The following ATP13A3 variants were observed in gnomAD, a reference collection of about 807,000 sequenced individuals.
The protein encoded by ATP13A3 is ATPase 13A3.
In ATP13A3, 59 loss-of-function variants were observed where a neutral mutation model predicts 158.1. The ratio of observed to expected loss-of-function variants is 0.37; its 90% confidence interval spans 0.30 to 0.46. The LOEUF (loss-of-function observed/expected upper bound fraction) is 0.46, where lower values mean the gene tolerates loss of function less well. Among genes scored for constraint, ATP13A3 ranks in the 20% least tolerant of loss-of-function variants. The probability of loss-of-function intolerance (pLI) is 1.00; values close to 1 mark genes in which losing one functional copy is unlikely to be tolerated. For missense variants in ATP13A3, 1,166 were observed against 1,525.2 expected, an observed-to-expected ratio of 0.76 and a Z score of 3.92; for synonymous variants, 491 against 504.3, an observed-to-expected ratio of 0.97 and a Z score of 0.35.
In ATP13A3 at chr3:194,427,192, G is replaced by T. The variant is rs1716847342; in HGVS notation, c.3008C>A (p.Ser1003Tyr). Reference sequence around the variant, plus strand: ...CAAAACGGAGAAGAGAAGGGCCCCAGATATAAGACCCGAAGGTGGTCTTTG... The same window carrying T: ...CAAAACGGAGAAGAGAAGGGCCCCATATATAAGACCCGAAGGTGGTCTTTG... ...VAQRPPSGLI[S>Y]GALLFSVLSQ... Residue 1003 changes from serine to tyrosine, a missense_variant, in exon 29 of 34, where the codon TCT (serine) becomes TAT (tyrosine). Physicochemically the swap from Ser to Tyr is moderately radical, Grantham distance 144. This residue lies in a region of ATP13A3 where 997 missense variants were observed against 1,341.2 expected (regional missense o/e 0.74). Transcript: ENST00000645319. 6.2e-7 allele frequency: 1 copy of T among 1,613,412 alleles called. No individual in the cohort carries two copies. The highest frequency in any genetic ancestry group is 8.5e-7 in the Non-Finnish European group (1 of 1,179,898).
rs1004788006 is a variant in ATP13A3, at chr3:194,430,866, T to C, written c.2624+77A>G. The C allele has an allele frequency of 1.9e-5, 22 of 1,150,428 alleles. No homozygotes were observed. In the African/African-American group the frequency reaches 3.2e-4, roughly 17 times the overall value. The allele number at this position is 1,150,428 out of a possible 1,614,324, so 71.3% of individuals were successfully genotyped here. A position where few individuals can be genotyped will look rare whatever the true frequency, so the allele number is the denominator to read the frequency against. ...ATGAAATATTAGTATAAGAAACATA[T>C]AAAAATTATTTTTCTGATGCTGAAA... is the stretch of plus-strand genomic sequence containing the variant. On this transcript the variant is annotated intron_variant, in intron 24 of 33. Transcript: ENST00000645319.
At chr3:194,482,739 G>A (rs115997118) in intron 2 of ATP13A3, among the ~76,000 whole-genome samples, 1 of 152,104 alleles carries the variant, frequency 6.6e-6, no homozygotes, top group Admixed American at 6.5e-5. Context: ...TTGGGAGGCT[G>A]AGGCAGGAGG....
At chr3:194,416,613 C>T (rs1029017098) in intron 31 of ATP13A3, among the ~76,000 whole-genome samples, 2 of 152,160 alleles carry the variant, frequency 1.3e-5, no homozygotes, top group African/African-American at 2.4e-5. Flanking sequence ...CCTTTAGAGA[C>T]AAGAGTAAGA....
At chr3:194,438,571 T>C (rs2108853264) in intron 17 of ATP13A3, among the ~76,000 whole-genome samples, 1 of 152,338 alleles carries the variant, frequency 6.6e-6, no homozygotes, top group East Asian at 1.9e-4. Context: ...AAAATATTCC[T>C]ATCTCTGCAT....
intron 30 of ATP13A3, among the ~76,000 whole-genome samples, chr3:194,421,552 CAAA>C (rs34760027): frequency 5.6e-5 from 4 of 71,872 alleles, no homozygotes; most frequent in African/African-American, 4.6e-5. Context: ...GACTCCATCT[CAAA>C]AAAAAAAAAA....
chr3:194,440,015 G>A (rs1259572741), intron 16 of ATP13A3, among the ~76,000 whole-genome samples: 4 of 152,168 alleles, frequency 2.6e-5, no homozygotes, highest in East Asian at 1.9e-4. Flanking sequence ...GGCAGATGGA[G>A]CACTTATCCA....
chr3:194,413,670 A>G, intron 32 of ATP13A3, 89 bp downstream of exon 32: 4 of 1,161,272 alleles, frequency 3.4e-6, no homozygotes, highest in Non-Finnish European at 1.3e-6. Flanking sequence ...GCTTTCCATT[A>G]TATTACCTGC....
chr3:194,475,798 A>C (rs1319319214), intron 2 of ATP13A3, among the ~76,000 whole-genome samples: 2 of 152,166 alleles, frequency 1.3e-5, no homozygotes, highest in Non-Finnish European at 2.9e-5. Flanking sequence ...TGACGCCTGT[A>C]TGGGAATATT....
At chr3:194,412,539 TA>T in intron 32 of ATP13A3, 1 of 452,700 alleles carries the variant, frequency 2.2e-6, no homozygotes, top group South Asian at 2.4e-5. Context: ...TTTGTATAAA[TA>T]GGTCTTTCCC....
intron 33 of ATP13A3, among the ~76,000 whole-genome samples, chr3:194,407,866 G>C (rs967918118): frequency 6.6e-6 from 1 of 152,088 alleles, no homozygotes; most frequent in Non-Finnish European, 1.5e-5. Flanking sequence ...CAAAATAACA[G>C]ATAATGCCTT....
chr3:194,486,220 G>C (rs1577100153), intron 1 of ATP13A3, among the ~76,000 whole-genome samples: 1 of 152,118 alleles, frequency 6.6e-6, no homozygotes, highest in Middle Eastern at 3.4e-3. Context: ...GGACGAGCTA[G>C]GGTCCCGCAC....
chr3:194,470,791 T>C (rs950168003), intron 2 of ATP13A3, among the ~76,000 whole-genome samples: 6 of 152,228 alleles, frequency 3.9e-5, no homozygotes, highest in Admixed American at 6.5e-5. Context: ...ACTCTTATGA[T>C]TGCTAGATAG....
intron 31 of ATP13A3, among the ~76,000 whole-genome samples, chr3:194,418,278 C>A (rs560060693): frequency 1.3e-5 from 2 of 151,828 alleles, no homozygotes; most frequent in South Asian, 4.2e-4. Flanking sequence ...AACTGAGACA[C>A]GAGGAACAAA....
intron 2 of ATP13A3, among the ~76,000 whole-genome samples, chr3:194,485,339 G>C (rs1338850450): frequency 6.6e-6 from 1 of 152,112 alleles, no homozygotes; most frequent in Admixed American, 6.6e-5. Flanking sequence ...TTGATTTTTG[G>C]CAACTGTAGT....
chr3:194,405,681 T>C lies in ATP13A3; in HGVS notation c.*238A>G. ...ATCAAGAAAATTCTGGAAATGTATG[T>C]AATATTTGGGTTGCTGAATGAAGAT... On this transcript the variant is annotated 3_prime_UTR_variant, in exon 34 of 34. Transcript: ENST00000645319. 4.6e-6 allele frequency: 2 copies of C among 438,988 alleles called. No homozygotes were observed. The highest frequency in any genetic ancestry group is 8.0e-5 in the East Asian group (2 of 25,114). 27.2% of individuals were successfully genotyped at this position (438,988 alleles called of 1,614,324 possible). A position where few individuals can be genotyped will look rare whatever the true frequency, so the allele number is the denominator to read the frequency against.
At chr3:194,476,809 T>C (rs1720547407) in intron 2 of ATP13A3, among the ~76,000 whole-genome samples, 1 of 150,202 alleles carries the variant, frequency 6.7e-6, no homozygotes, top group Non-Finnish European at 1.5e-5. Context: ...CTAGATTAAA[T>C]AATATTAAGC....
chr3:194,449,744 G>C (rs2108907468), intron 11 of ATP13A3, among the ~76,000 whole-genome samples: 1 of 151,580 alleles, frequency 6.6e-6, no homozygotes, highest in East Asian at 1.9e-4. Context: ...AATTTCCAAA[G>C]GGAAGTCATT....
chr3:194,482,178 T>A (rs1210464588), intron 2 of ATP13A3, among the ~76,000 whole-genome samples: 2 of 151,990 alleles, frequency 1.3e-5, no homozygotes, highest in East Asian at 3.8e-4. Context: ...TTTTAAACTA[T>A]CATAACAGTG....
chr3:194,432,072 G>T, intron 21 of ATP13A3, 180 bp from the exon 22 acceptor site: 1 of 521,850 alleles, frequency 1.9e-6, no homozygotes, highest in South Asian at 4.3e-5. Context: ...ATCAAAAGAA[G>T]CCTCAAATAA....
Sources: allele counts gnomAD v4.1 joint callset (sites outside exome capture counted in the v4.1 genomes callset), GRCh38; gene constraint gnomAD v4.1.1; regional missense constraint gnomAD v4.1.1; transcripts MANE v1.5; gene names NCBI Gene and HGNC (gene_info 2026-07-23, HGNC 2026-07-21).